The following STPG2 variants were observed in gnomAD, a reference collection of about 807,000 sequenced individuals.
The protein encoded by STPG2 is sperm-tail PG-rich repeat-containing protein 2.
STPG2 carries 56 observed loss-of-function variants against 54.2 expected under a neutral mutation model. That is an observed-to-expected ratio of 1.03 (90% CI 0.83 to 1.29). The LOEUF is 1.29. STPG2 is among the 50% of genes most tolerant of loss of function. The pLI, the probability that STPG2 is intolerant of heterozygous loss-of-function variation, is 0.00. For synonymous variants in STPG2, 200 were observed against 181.8 expected (o/e 1.10, Z -0.81); for missense variants, 596 against 544.9 (o/e 1.09, Z -0.93).
At chr4:97,632,576 T>C (rs1057353786) in intron 10 of STPG2, among the ~76,000 whole-genome samples, 2 of 152,132 alleles carry the variant, frequency 1.3e-5, no homozygotes, top group African/African-American at 2.4e-5. Flanking sequence ...ATACACCAAA[T>C]GCAGTTTTCA....
In STPG2 at chr4:97,839,677, G is replaced by A. The variant is rs550546053; in HGVS notation, c.1204+1096C>T. On this transcript the variant is annotated intron_variant, in intron 9 of 10. Transcript: ENST00000295268. ...AACATGGTGTAATAACTCAAGAGAA[G>A]AAAAAGAAAATAAAAAGTGAAATTT... Among the ~76,000 whole-genome samples, 38 of 151,314 alleles carry A rather than the reference G, an allele frequency of 2.5e-4. 1 individual carries two copies. Among genetic ancestry groups the A allele is most frequent in the Admixed American group, 9.9e-4 (15 of 15,124 alleles).
intron 9 of STPG2, among the ~76,000 whole-genome samples, chr4:97,832,563 A>G (rs1728502225): frequency 6.6e-6 from 1 of 152,226 alleles, no homozygotes; most frequent in African/African-American, 2.4e-5. Flanking sequence ...ATAGGAAAAG[A>G]GAAAGTCAAA....
At chr4:97,793,172 T>C (rs3864229) in intron 9 of STPG2, among the ~76,000 whole-genome samples, 112,286 of 151,864 alleles carry the variant, frequency 0.74, 42,570 homozygotes, top group African/African-American at 0.91. Flanking sequence ...GCAGTAAGAC[T>C]TTCCTTGCCT....
chr4:97,493,240 A>C (rs1730539053), intron 4 of STPG2, among the ~76,000 whole-genome samples: 1 of 151,340 alleles, frequency 6.6e-6, no homozygotes, highest in Non-Finnish European at 1.5e-5. Flanking sequence ...GGAAAAAGCA[A>C]AACAAAACAG....
chr4:97,622,057 AG>A (rs1416142764), intron 10 of STPG2, among the ~76,000 whole-genome samples: 1 of 152,090 alleles, frequency 6.6e-6, no homozygotes, highest in Non-Finnish European at 1.5e-5. Flanking sequence ...GGCAGAAAAC[AG>A]TTACAATAGA....
intron 9 of STPG2, among the ~76,000 whole-genome samples, chr4:97,721,390 G>C (rs1013904241): frequency 3.3e-4 from 50 of 152,026 alleles, no homozygotes; most frequent in Non-Finnish European, 1.6e-4. Flanking sequence ...GAGGAAGTTG[G>C]TTATTCACTT....
intron 8 of STPG2, among the ~76,000 whole-genome samples, chr4:97,854,910 GC>G (rs1334863916): frequency 6.6e-6 from 1 of 152,018 alleles, no homozygotes; most frequent in Non-Finnish European, 1.5e-5. Context: ...CCAACGTCTT[GC>G]CTCCAACAAG....
intron 9 of STPG2, among the ~76,000 whole-genome samples, chr4:97,764,216 C>G (rs1442881503): frequency 6.6e-6 from 1 of 151,798 alleles, no homozygotes; most frequent in Non-Finnish European, 1.5e-5. Context: ...GAGTCCTCAA[C>G]TCAAATGGAA....
In STPG2 at chr4:98,105,521, G is replaced by A. The variant is rs181851299; in HGVS notation, c.612+432C>T. 3.3e-3 allele frequency among the ~76,000 whole-genome samples: 508 copies of A among 152,152 alleles called. 5 individuals are homozygous for A. The highest frequency in any genetic ancestry group is 0.012 in the African/African-American group (483 of 41,518). On this transcript the variant is annotated intron_variant, in intron 5 of 10. Coordinates refer to ENST00000295268, the MANE Select transcript of STPG2 (RefSeq NM_174952.3). ...TTTCTCTTCCAAACTGGGTTTGGAC[G>A]TTTTAACAGAAATGGGACTGGGTCC...
intron 8 of STPG2, among the ~76,000 whole-genome samples, chr4:97,932,897 T>A (rs1176357790): frequency 3.3e-5 from 5 of 152,246 alleles, no homozygotes; most frequent in African/African-American, 1.2e-4. Context: ...ATGGGATTGC[T>A]GGATCAATTG....
chr4:98,046,816 G>A (rs1737143943), intron 5 of STPG2, among the ~76,000 whole-genome samples: 1 of 152,084 alleles, frequency 6.6e-6, no homozygotes, highest in African/African-American at 2.4e-5. Flanking sequence ...TGTCACCCCT[G>A]GCTTCCATCT....
chr4:97,673,379 GA>G (rs992443035), intron 10 of STPG2, among the ~76,000 whole-genome samples: 1 of 152,098 alleles, frequency 6.6e-6, no homozygotes. Context: ...AATTATTACT[GA>G]AAAGATCTTT....
intron 7 of STPG2, among the ~76,000 whole-genome samples, chr4:97,957,549 A>G (rs923601902): frequency 4.6e-5 from 7 of 152,180 alleles, no homozygotes; most frequent in Admixed American, 1.3e-4. Flanking sequence ...CTAGACATCC[A>G]AATACAAGAA....
chr4:97,509,919 G>A (rs1730936624), intron 4 of STPG2, among the ~76,000 whole-genome samples: 1 of 151,978 alleles, frequency 6.6e-6, no homozygotes, highest in Non-Finnish European at 1.5e-5. Flanking sequence ...TAAGTGCCTA[G>A]TAAGAACAGA....
At chr4:97,634,742 A>T (rs1459478800) in intron 10 of STPG2, among the ~76,000 whole-genome samples, 1 of 152,016 alleles carries the variant, frequency 6.6e-6, no homozygotes, top group Non-Finnish European at 1.5e-5. Context: ...GGGTATCAGC[A>T]ATGGAAGATG....
chr4:97,516,129 G>T (rs941116427), intron 4 of STPG2, among the ~76,000 whole-genome samples: 1 of 151,862 alleles, frequency 6.6e-6, no homozygotes, highest in Non-Finnish European at 1.5e-5. Flanking sequence ...TCCCTCACTT[G>T]TCATTCACAG....
At chr4:97,704,946 T>C (rs956524773) in intron 10 of STPG2, among the ~76,000 whole-genome samples, 6 of 152,072 alleles carry the variant, frequency 3.9e-5, no homozygotes, top group Non-Finnish European at 8.8e-5. Flanking sequence ...AGAAAAAATA[T>C]GGAAAAAATA....
chr4:97,656,615 T>C (rs1722225334), intron 10 of STPG2, among the ~76,000 whole-genome samples: 1 of 151,678 alleles, frequency 6.6e-6, no homozygotes, highest in African/African-American at 2.4e-5. Context: ...AGGAACATTT[T>C]AGAGTATTAA....
At chr4:98,115,548 T>G (rs758855169) in intron 3 of STPG2, among the ~76,000 whole-genome samples, 15 of 151,982 alleles carry the variant, frequency 9.9e-5, no homozygotes, top group African/African-American at 1.4e-4. Flanking sequence ...TAAGCTTTAT[T>G]AGACAGCTTC....
Sources: allele counts gnomAD v4.1 joint callset (sites outside exome capture counted in the v4.1 genomes callset), GRCh38; gene constraint gnomAD v4.1.1; transcripts MANE v1.5; gene names NCBI Gene and HGNC (gene_info 2026-07-23, HGNC 2026-07-21).